The following SUPT6H variants were observed in gnomAD, a reference collection of about 807,000 sequenced individuals.
SUPT6H encodes the protein SPT6 homolog, histone chaperone and transcription elongation factor.
A neutral mutation model predicts 222.3 loss-of-function variants in SUPT6H; 11 were observed. That is an observed-to-expected ratio of 0.05 (90% CI 0.03 to 0.08). The LOEUF (loss-of-function observed/expected upper bound fraction) is 0.08, where lower values mean the gene tolerates loss of function less well. Ranked by LOEUF, SUPT6H falls within the 10% of genes least tolerant of loss-of-function variation. The probability of loss-of-function intolerance (pLI) is 1.00; values close to 1 mark genes in which losing one functional copy is unlikely to be tolerated. For missense variants in SUPT6H, 1,422 were observed against 2,216.0 expected, an observed-to-expected ratio of 0.64 and a Z score of 7.19; for synonymous variants, 762 against 801.2, an observed-to-expected ratio of 0.95 and a Z score of 0.83.
chr17:28,699,000 A>G (rs2032033924), intron 32 of SUPT6H, among the ~76,000 whole-genome samples: 1 of 152,220 alleles, frequency 6.6e-6, no homozygotes, highest in Admixed American at 6.5e-5. Context: ...CTTCTGGGGA[A>G]AGGAGCTGAC....
chr17:28,688,322 A>T lies in SUPT6H; in HGVS notation c.3134+104A>T. 1 of 1,394,986 alleles carries T rather than the reference A, an allele frequency of 7.2e-7. No individual in the cohort carries two copies. The allele number at this position is 1,394,986 out of a possible 1,614,324, so 86.4% of individuals were successfully genotyped here. On this transcript the variant is annotated intron_variant, in intron 24 of 36. Coordinates refer to ENST00000314616, the MANE Select transcript of SUPT6H (RefSeq NM_003170.5). The surrounding 1 kb of genome is among the most constrained non-coding windows in gnomAD (Gnocchi z 4.3). ...AAAGGGCCACAAGCCATTTTAACTT[A>T]GGAAATGTTTTAAAGAAAAGGTAAG...
At chr17:28,665,799 C>T (rs1202591695) in intron 1 of SUPT6H, among the ~76,000 whole-genome samples, 1 of 152,104 alleles carries the variant, frequency 6.6e-6, no homozygotes, top group Non-Finnish European at 1.5e-5. Context: ...TGTATTTGTC[C>T]TAGCTACCTG....
intron 11 of SUPT6H, among the ~76,000 whole-genome samples, chr17:28,680,075 TG>T (rs1485064546): frequency 6.7e-6 from 1 of 149,440 alleles, no homozygotes; most frequent in Non-Finnish European, 1.5e-5. Context: ...AAGACTGAGG[TG>T]GGCAGATCAC....
rs200902065 is a variant in SUPT6H at position 28,683,731 on chromosome 17, G to A, written c.2144G>A (p.Arg715Gln). The A allele has an allele frequency of 2.0e-5, 33 of 1,613,974 alleles. No homozygotes were observed. Among genetic ancestry groups the A allele is most frequent in the South Asian group, 5.5e-5 (5 of 91,066 alleles). Residue 715 changes from arginine to glutamine, a missense_variant, in exon 17 of 37, where the codon CGG (arginine) becomes CAG (glutamine). Around this residue, in one of 13 missense-constraint regions of SUPT6H, gnomAD observed 294 missense variants for 382.1 expected, o/e 0.77. Transcript: ENST00000314616. ...CGGCAGCGCACCATGGCCATCGAAC[G>A]GGCTTTACAGCAGTTCCTCTATGTG... is the stretch of plus-strand genomic sequence containing the variant. Reference protein sequence around the residue: ...WNRQRTMAIERALQQFLYVQM... With the variant: ...WNRQRTMAIEQALQQFLYVQM...
At chr17:28,667,409 A>ATATATATATATATG (rs1365692030) in intron 1 of SUPT6H, among the ~76,000 whole-genome samples, 10 of 100,642 alleles carry the variant, frequency 9.9e-5, no homozygotes, top group Non-Finnish European at 1.2e-4. Flanking sequence ...GTGTGTGTAT[A>ATATATATATATATG]TATATATATA....
chr17:28,687,266 G>A (rs2031429958), intron 22 of SUPT6H, 38 bp from the exon 23 acceptor site: 2 of 1,614,140 alleles, frequency 1.2e-6, no homozygotes, highest in Non-Finnish European at 1.7e-6. Context: ...GAAGGGAAAG[G>A]CAGAGTAACC....
At chr17:28,673,592 C>A in intron 2 of SUPT6H, 82 bp downstream of exon 2, 2 of 1,073,570 alleles carry the variant, frequency 1.9e-6, no homozygotes, top group African/African-American at 1.6e-5. Flanking sequence ...AAAGCTCAGG[C>A]TCAGCACAGA....
At chr17:28,671,746 A>C (rs2030427809) in intron 1 of SUPT6H, among the ~76,000 whole-genome samples, 2 of 152,202 alleles carry the variant, frequency 1.3e-5, no homozygotes, top group Non-Finnish European at 1.5e-5. Context: ...CAGGATTCAA[A>C]TTCAAACTCA....
chr17:28,686,903 T>C (rs1003865446), intron 21 of SUPT6H, 114 bp downstream of exon 21: 4 of 1,484,184 alleles, frequency 2.7e-6, no homozygotes, highest in African/African-American at 1.4e-5. Context: ...TGTGTACTTA[T>C]CCATGCAGAA....
chr17:28,695,150 A>C, intron 28 of SUPT6H: 1 of 554,680 alleles, frequency 1.8e-6, no homozygotes, highest in East Asian at 3.0e-5. Flanking sequence ...GAGTGGAGGC[A>C]TTAGTGCAGG....
chr17:28,680,522 G>A (rs1171684180), intron 11 of SUPT6H, among the ~76,000 whole-genome samples: 1 of 152,034 alleles, frequency 6.6e-6, no homozygotes, highest in Non-Finnish European at 1.5e-5. Context: ...TTAAACCCAG[G>A]AGGTGGAGGT....
At chr17:28,692,522 A>G (rs2031712755) in intron 27 of SUPT6H, among the ~76,000 whole-genome samples, 1 of 146,856 alleles carries the variant, frequency 6.8e-6, no homozygotes, top group South Asian at 2.3e-4. Context: ...TCTCAAAAAA[A>G]AACACAAAAG....
Position 28,675,467 on chromosome 17 carries a change from T to A in SUPT6H, c.605T>A (p.Leu202His). Reference protein sequence around the residue: ...PLKKPKWRKKLPGYTDAALQE... With the variant: ...PLKKPKWRKKHPGYTDAALQE... Reference sequence around the variant, plus strand: ...AAAAAACCTAAGTGGCGGAAAAAGCTTCCTGGATACACAGACGCGTGAGTG... The same window carrying A: ...AAAAAACCTAAGTGGCGGAAAAAGCATCCTGGATACACAGACGCGTGAGTG... Residue 202 changes from leucine (L) to histidine (H), a missense_variant, in exon 6 of 37, where the codon CTT becomes CAT. This residue lies in a region of SUPT6H where 389 missense variants were observed against 544.6 expected (regional missense o/e 0.71). Coordinates refer to ENST00000314616, the MANE Select transcript of SUPT6H (RefSeq NM_003170.5). 6.2e-7 allele frequency: 1 copy of A among 1,614,192 alleles called. No homozygotes were observed. Among genetic ancestry groups the A allele is most frequent in the East Asian group, 2.2e-5 (1 of 44,880 alleles).
intron 3 of SUPT6H, 43 bp downstream of exon 3, chr17:28,674,484 T>G (rs1446425942): frequency 9.9e-6 from 16 of 1,613,872 alleles, no homozygotes; most frequent in Non-Finnish European, 1.4e-5. Context: ...TGGGTGGAGG[T>G]TGCAGTGGAA....
chr17:28,680,964 A>G (rs964051197), intron 11 of SUPT6H, among the ~76,000 whole-genome samples: 10 of 152,214 alleles, frequency 6.6e-5, no homozygotes, highest in African/African-American at 2.4e-4. Context: ...TTAAAAAAGA[A>G]AAAAAGAAAT....
At chr17:28,694,387 A>G (rs949083161) in intron 28 of SUPT6H, among the ~76,000 whole-genome samples, 3 of 152,186 alleles carry the variant, frequency 2.0e-5, no homozygotes, top group African/African-American at 7.2e-5. Context: ...ACATCGACAT[A>G]TGTTGTCTCT....
At chr17:28,686,983 C>A in intron 21 of SUPT6H, 105 bp from the exon 22 acceptor site, 1 of 1,517,946 alleles carries the variant, frequency 6.6e-7, no homozygotes, top group Non-Finnish European at 8.9e-7. Context: ...GAAAAAAGAT[C>A]CCAGAGAAGC....
chr17:28,672,075 A>G (rs1251392462), intron 1 of SUPT6H, among the ~76,000 whole-genome samples: 3 of 152,242 alleles, frequency 2.0e-5, no homozygotes, highest in African/African-American at 7.2e-5. Flanking sequence ...GCTCCCAACC[A>G]GTACTCACAC....
At position 28,677,829 on chromosome 17, in the gene SUPT6H, G is replaced by C; in HGVS notation, c.999+13G>C. 1 of 1,611,222 alleles carries C rather than the reference G, an allele frequency of 6.2e-7. No homozygotes were observed. On this transcript the variant is annotated intron_variant, in intron 8 of 36. Transcript: ENST00000314616. The stretch of plus-strand genomic sequence containing the variant: ...CATTTCTCTCCAGGTACACAAAAAA[G>C]ATCCTTAGGTTTTGACATGAACCAA...
Sources: gnomAD v4.1 joint callset for allele counts (sites outside exome capture counted in the v4.1 genomes callset) on GRCh38, gnomAD v4.1.1 for gene constraint, gnomAD v4.1.1 regional missense constraint, Gnocchi (gnomAD v3.1) non-coding constraint, MANE v1.5 for transcripts, NCBI Gene and HGNC (gene_info 2026-07-23, HGNC 2026-07-21) for gene names.